Variants in FBXL2 observed in about 807,000 individuals in gnomAD.
FBXL2 encodes the protein F-box/LRR-repeat protein 2.
In FBXL2, 38 loss-of-function variants were observed where a neutral mutation model predicts 69.2. That is an observed-to-expected ratio of 0.55 (90% confidence interval 0.42 to 0.72). FBXL2 has a LOEUF of 0.72. FBXL2 is among the 30% of genes least tolerant of loss of function. FBXL2 has a pLI of 0.00. For synonymous variants in FBXL2, 192 were observed against 201.3 expected, an observed-to-expected ratio of 0.95 and a Z score of 0.39; for missense variants, 354 against 520.3, an observed-to-expected ratio of 0.68 and a Z score of 3.11.
chr3:33,411,630 G>A, the FBXL2 span: 52 of 1,613,940 alleles, frequency 3.2e-5, no homozygotes, highest in Non-Finnish European at 4.2e-5. Flanking sequence ...AAATTCAACC[G>A]CATTTAACTG....
the FBXL2 span, among the ~76,000 whole-genome samples, chr3:33,419,489 G>A: frequency 1.3e-5 from 2 of 152,108 alleles, no homozygotes; most frequent in South Asian, 2.1e-4. Context: ...CTAGCTGGGC[G>A]TGGTGGCAGG....
downstream of FBXL2, among the ~76,000 whole-genome samples, chr3:33,404,940 C>T (rs1260660564): frequency 6.6e-6 from 1 of 152,064 alleles, no homozygotes; most frequent in Non-Finnish European, 1.5e-5. Context: ...GATGCATTTC[C>T]AATAATATTT....
At chr3:33,419,699 A>G in the FBXL2 span, among the ~76,000 whole-genome samples, 1 of 151,922 alleles carries the variant, frequency 6.6e-6, no homozygotes, top group Admixed American at 6.6e-5. Flanking sequence ...TGGTTTCCCT[A>G]TTGGAAACTA....
chr3:33,341,270 A>G (rs766954412), intron 2 of FBXL2, among the ~76,000 whole-genome samples: 8 of 152,244 alleles, frequency 5.3e-5, no homozygotes, highest in Non-Finnish European at 1.0e-4. Context: ...AACAACATTA[A>G]CATGGGTACA....
intron 1 of FBXL2, chr3:33,289,589 A>G (rs1242943995): frequency 5.9e-6 from 1 of 169,190 alleles, no homozygotes. Context: ...AGCAAGAGGA[A>G]GAATTTGCAA....
intron 2 of FBXL2, among the ~76,000 whole-genome samples, chr3:33,323,136 A>G (rs562777393): frequency 1.8e-4 from 28 of 152,308 alleles, no homozygotes; most frequent in African/African-American, 6.7e-4. Context: ...GATCTTAAGA[A>G]TACATTCTAC....
Position 33,376,991 on chromosome 3 carries a change from C to T in FBXL2, c.789-282C>T, listed in dbSNP as rs529227093. Among the ~76,000 whole-genome samples, 119 of 152,218 alleles carry T rather than the reference C, an allele frequency of 7.8e-4. 1 individual carries two copies. The highest frequency in any genetic ancestry group is 1.3e-3 in the Non-Finnish European group (91 of 68,028). ...CTCCAGCCTGGGTGACAGTATGAGA[C>T]GCTGTTTGCAAAACAAAACAAAACA... On this transcript the variant is annotated intron_variant, in intron 10 of 14. Coordinates refer to ENST00000484457, the MANE Select transcript of FBXL2 (RefSeq NM_012157.5).
At chr3:33,351,964 A>T (rs1049244617) in intron 2 of FBXL2, among the ~76,000 whole-genome samples, 15 of 117,790 alleles carry the variant, frequency 1.3e-4, no homozygotes, top group Admixed American at 1.1e-3. Flanking sequence ...CCATCACTTA[A>T]AAAAAAAAAA....
chr3:33,320,930 A>T (rs963349900), intron 2 of FBXL2, among the ~76,000 whole-genome samples: 1 of 152,242 alleles, frequency 6.6e-6, no homozygotes, highest in African/African-American at 2.4e-5. Flanking sequence ...CTTGTAGTAC[A>T]TAAAACCAAC....
At chr3:33,410,574 G>A in the FBXL2 span, among the ~76,000 whole-genome samples, 7 of 152,294 alleles carry the variant, frequency 4.6e-5, 1 homozygote, top group African/African-American at 1.4e-4. Flanking sequence ...TATGAAGGCT[G>A]GTCAGCAAGT....
the FBXL2 span, among the ~76,000 whole-genome samples, chr3:33,413,739 T>C: frequency 3.9e-5 from 6 of 152,226 alleles, no homozygotes; most frequent in Middle Eastern, 3.4e-3. Context: ...GAGACATTTA[T>C]AGGGCTCAGT....
intron 1 of FBXL2, among the ~76,000 whole-genome samples, chr3:33,291,444 G>T (rs1054475509): frequency 3.3e-5 from 5 of 152,198 alleles, no homozygotes; most frequent in South Asian, 2.1e-4. Flanking sequence ...ACACCAGGAA[G>T]GGTAAATATA....
At chr3:33,383,673 A>G (rs1027864490) in intron 13 of FBXL2, 5 of 318,202 alleles carry the variant, frequency 1.6e-5, no homozygotes, top group Non-Finnish European at 3.0e-5. Context: ...TCTTTACACA[A>G]TTAGAAGAGA....
At chr3:33,278,698 A>T (rs1349517327) in intron 1 of FBXL2, among the ~76,000 whole-genome samples, 3 of 152,232 alleles carry the variant, frequency 2.0e-5, no homozygotes, top group African/African-American at 7.2e-5. Flanking sequence ...GGAGAAAAAC[A>T]TCACCCATAA....
intron 5 of FBXL2, among the ~76,000 whole-genome samples, chr3:33,367,091 A>C (rs1314267560): frequency 6.6e-6 from 1 of 151,568 alleles, no homozygotes; most frequent in Non-Finnish European, 1.5e-5. Flanking sequence ...TTACAAAGTC[A>C]GTTTCTTTTT....
intron 2 of FBXL2, among the ~76,000 whole-genome samples, chr3:33,321,544 T>G (rs1274355373): frequency 6.6e-6 from 1 of 152,204 alleles, no homozygotes; most frequent in East Asian, 1.9e-4. Context: ...AGGATGAAGA[T>G]TCTTTTATAC....
intron 1 of FBXL2, among the ~76,000 whole-genome samples, chr3:33,287,732 G>A (rs907111270): frequency 2.0e-5 from 3 of 152,214 alleles, no homozygotes; most frequent in Non-Finnish European, 4.4e-5. Flanking sequence ...GCCAGGATTT[G>A]AACTCAACCA....
intron 4 of FBXL2, among the ~76,000 whole-genome samples, chr3:33,360,986 C>CA (rs2154041989): frequency 8.2e-6 from 1 of 122,184 alleles, no homozygotes; most frequent in East Asian, 2.8e-4. Context: ...GGCTGGAGTG[C>CA]AGTGGCGTGG....
intron 2 of FBXL2, among the ~76,000 whole-genome samples, chr3:33,301,438 T>A (rs181841475): frequency 1.7e-4 from 26 of 152,218 alleles, no homozygotes; most frequent in Non-Finnish European, 3.1e-4. Context: ...AGCTTCCCCT[T>A]TGGAACCATT....
Sources: allele counts gnomAD v4.1 joint callset (sites outside exome capture counted in the v4.1 genomes callset), GRCh38; gene constraint gnomAD v4.1.1; transcripts MANE v1.5; gene names NCBI Gene and HGNC (gene_info 2026-07-23, HGNC 2026-07-21).